Variants in BZW1 observed in about 807,000 individuals in gnomAD.
BZW1 encodes eIF5-mimic protein 2.
In BZW1, 3 loss-of-function variants were observed where a neutral mutation model predicts 54.1. The observed-to-expected ratio is 0.06, with a 90% CI of 0.03 to 0.14. The LOEUF (loss-of-function observed/expected upper bound fraction) is 0.14, where lower values mean the gene tolerates loss of function less well. Among genes scored for constraint, BZW1 ranks in the 10% least tolerant of loss-of-function variants. The probability of loss-of-function intolerance (pLI) is 1.00; values close to 1 mark genes in which losing one functional copy is unlikely to be tolerated. For synonymous variants in BZW1, 152 were observed against 162.7 expected (o/e 0.93, Z 0.50); for missense variants, 206 against 491.7 (o/e 0.42, Z 5.50).
In BZW1 at chr2:200,822,213, A is replaced by C. The variant is rs2038554467; in HGVS notation, c.*35A>C. 6.5e-7 allele frequency: 1 copy of C among 1,530,308 alleles called. No individual in the cohort carries two copies. Among genetic ancestry groups the C allele is most frequent in the African/African-American group, 1.4e-5 (1 of 73,110 alleles). The allele number at this position is 1,530,308 out of a possible 1,614,324, so 94.8% of individuals were successfully genotyped here. A position where few individuals can be genotyped will look rare whatever the true frequency, so the allele number is the denominator to read the frequency against. On this transcript the variant is annotated 3_prime_UTR_variant, in exon 12 of 12. Coordinates refer to ENST00000409600, the MANE Select transcript of BZW1 (RefSeq NM_001207067.2). ...CTACACCCTCAGTAAAGCAAACAGG[A>C]GTTGTAGATAAAATGTCATGTCTCA...
intron 2 of BZW1, among the ~76,000 whole-genome samples, chr2:200,815,086 C>T (rs908602168): frequency 4.6e-5 from 7 of 152,188 alleles, no homozygotes; most frequent in Admixed American, 3.9e-4. Flanking sequence ...AGTAGGAGGG[C>T]GTTCCCAGTA....
intron 1 of BZW1, 193 bp downstream of exon 1, chr2:200,812,183 C>T: frequency 1.7e-6 from 2 of 1,207,112 alleles, no homozygotes; most frequent in Admixed American, 8.5e-5. Context: ...GTAGCGGCGG[C>T]CCGGGTGGGG....
chr2:200,821,388 T>C, intron 11 of BZW1, 83 bp downstream of exon 11: 1 of 1,533,488 alleles, frequency 6.5e-7, no homozygotes, highest in South Asian at 1.2e-5. Context: ...GCTTCCTTCT[T>C]TCTGATGCCA....
chr2:200,814,008 G>C (rs2038194246), intron 2 of BZW1, among the ~76,000 whole-genome samples: 2 of 152,134 alleles, frequency 1.3e-5, no homozygotes, highest in African/African-American at 4.8e-5. Flanking sequence ...GACATTTTGA[G>C]ATATATATTG....
At chr2:200,821,399 T>C (rs3815501) in intron 11 of BZW1, 94 bp downstream of exon 11, 1,170,648 of 1,473,268 alleles carry the variant, frequency 0.79, 471,296 homozygotes, top group Non-Finnish European at 0.83. Context: ...TCTGATGCCA[T>C]TTTGTACCTG....
rs2038541142 is a variant in BZW1 at position 200,822,016 on chromosome 2, C to T, written c.1229-131C>T. 6.2e-6 allele frequency: 5 copies of T among 801,386 alleles called. No homozygotes were observed. In the South Asian group the frequency reaches 6.3e-5, roughly 10 times the overall value. The allele number at this position is 801,386 out of a possible 1,614,324, so 49.6% of individuals were successfully genotyped here. ...CCCGGGAGGCAGAGGTTGCAGTGAG[C>T]CAAGAGGGTGCTGCTGCATTCCGGC... On this transcript the variant is annotated intron_variant, in intron 11 of 11. Transcript: ENST00000409600.
chr2:200,821,866 T>TTC (rs2038530487), intron 11 of BZW1, among the ~76,000 whole-genome samples: 1 of 151,918 alleles, frequency 6.6e-6, no homozygotes, highest in Non-Finnish European at 1.5e-5. Flanking sequence ...AGGCCAGGAG[T>TTC]ATGAGGCCAG....
At chr2:200,811,800 A>G (rs1029013356), upstream of BZW1, 2 of 157,892 alleles carry the variant, frequency 1.3e-5, no homozygotes, top group African/African-American at 4.8e-5. Context: ...TCCGCGCGCA[A>G]TAGAAAAGGC....
chr2:200,817,809 G>A (rs2038348753), intron 6 of BZW1, among the ~76,000 whole-genome samples, 165 bp from the exon 7 acceptor site: 1 of 152,172 alleles, frequency 6.6e-6, no homozygotes, highest in South Asian at 2.1e-4. Flanking sequence ...GTAGACTAGG[G>A]AGATTGGAGA....
At chr2:200,816,199 T>G (rs546142119) in intron 4 of BZW1, 126 bp from the exon 5 acceptor site, 2 of 562,664 alleles carry the variant, frequency 3.6e-6, no homozygotes, top group East Asian at 3.0e-5. Flanking sequence ...GACATTCTTA[T>G]GTGTCACTAG....
intron 1 of BZW1, 137 bp from the exon 2 acceptor site, chr2:200,813,071 C>T: frequency 2.8e-6 from 2 of 718,082 alleles, no homozygotes; most frequent in South Asian, 3.1e-5. Context: ...GTGCCTGTAT[C>T]GGGTATAATT....
chr2:200,819,951 T>G (rs2038447099), intron 9 of BZW1, 31 bp from the exon 10 acceptor site: 1 of 1,464,396 alleles, frequency 6.8e-7, no homozygotes, highest in Non-Finnish European at 9.1e-7. Flanking sequence ...TTGTAATGAA[T>G]GACTAAATCT....
At chr2:200,822,119 G>C (rs1285076035) in intron 11 of BZW1, 28 bp from the exon 12 acceptor site, 1 of 1,591,074 alleles carries the variant, frequency 6.3e-7, no homozygotes, top group Non-Finnish European at 8.6e-7. Context: ...GATACATAAT[G>C]TTTGACTGTT....
In BZW1 at chr2:200,825,073, G is replaced by A. The variant is rs1206447296; in HGVS notation, c.*2895G>A. The A allele has an allele frequency of 6.6e-6, 1 of 151,752 alleles. No homozygotes were observed. The highest frequency in any genetic ancestry group is 1.5e-5 in the Non-Finnish European group (1 of 68,026). 9.4% of individuals were successfully genotyped at this position (151,752 alleles called of 1,614,324 possible). A position where few individuals can be genotyped will look rare whatever the true frequency, so the allele number is the denominator to read the frequency against. Reference sequence around the variant, plus strand: ...TACATGAAAAGAGTAAAATGTTTTTGTTTTTGTTTTGGAGACAGTCTCACT... The same window carrying A: ...TACATGAAAAGAGTAAAATGTTTTTATTTTTGTTTTGGAGACAGTCTCACT... On this transcript the variant is annotated 3_prime_UTR_variant, in exon 12 of 12. Transcript: ENST00000409600.
chr2:200,819,041 AC>A, intron 9 of BZW1, 140 bp downstream of exon 9: 1 of 969,930 alleles, frequency 1.0e-6, no homozygotes, highest in Non-Finnish European at 1.5e-6. Context: ...ACAAATAGTA[AC>A]ATTAGCTATT....
chr2:200,821,428 T>G, intron 11 of BZW1, 123 bp downstream of exon 11: 1 of 1,222,766 alleles, frequency 8.2e-7, no homozygotes, highest in South Asian at 1.6e-5. Flanking sequence ...ATTTTTGTTA[T>G]AAGGCAGGTG....
At chr2:200,816,414 G>A in intron 5 of BZW1, 24 bp downstream of exon 5, 1 of 1,471,132 alleles carries the variant, frequency 6.8e-7, no homozygotes, top group Non-Finnish European at 9.3e-7. Flanking sequence ...TGTACTTTGT[G>A]GAAAAGAAAA....
chr2:200,819,899 C>G (rs1414927514), intron 9 of BZW1, 83 bp from the exon 10 acceptor site: 44 of 1,230,808 alleles, frequency 3.6e-5, no homozygotes, highest in Non-Finnish European at 4.6e-5. Context: ...GAGTTAAGTT[C>G]TATATTGTCT....
At chr2:200,812,400 GC>G in intron 1 of BZW1, 2 of 1,281,462 alleles carry the variant, frequency 1.6e-6, no homozygotes, top group Non-Finnish European at 2.0e-6. Flanking sequence ...TCGCTGGAGG[GC>G]GGGCGGATGT....
Sources: allele counts gnomAD v4.1 joint callset (sites outside exome capture counted in the v4.1 genomes callset), GRCh38; gene constraint gnomAD v4.1.1; transcripts MANE v1.5; gene names NCBI Gene and HGNC (gene_info 2026-07-23, HGNC 2026-07-21).